ZBTB10: variants seen among roughly 807,000 people sequenced by gnomAD.
The protein encoded by ZBTB10 is zinc finger and BTB domain-containing protein 10.
Under a neutral mutation model 76.4 loss-of-function variants are expected in ZBTB10, and 32 were observed. The ratio of observed to expected loss-of-function variants is 0.42; its 90% CI spans 0.32 to 0.56. The LOEUF is 0.56. ZBTB10 is among the 20% of genes least tolerant of loss of function. The pLI, the probability that ZBTB10 is intolerant of heterozygous loss-of-function variation, is 0.14. For missense variants in ZBTB10, 1,057 were observed against 1,098.5 expected, an observed-to-expected ratio of 0.96 and a Z score of 0.53; for synonymous variants, 523 against 432.9, an observed-to-expected ratio of 1.21 and a Z score of -2.58.
rs1346894942 is a variant in ZBTB10, at chr8:80,519,182, A to G, written c.2311-41A>G. 1.9e-6 allele frequency: 3 copies of G among 1,573,840 alleles called. No homozygotes were observed. In the African/African-American group the frequency reaches 4.1e-5, roughly 21 times the overall value. On this transcript the variant is annotated intron_variant, in intron 5 of 5. Coordinates refer to ENST00000455036, the MANE Select transcript of ZBTB10 (RefSeq NM_001105539.3). ...GAGTGGTTCAAATGCATTCTATTATATATAATATCCTTATATTGGATTTTT... is the reference window on the plus strand; with the variant it reads ...GAGTGGTTCAAATGCATTCTATTATGTATAATATCCTTATATTGGATTTTT...
In ZBTB10 at chr8:80,521,650, G is replaced by A. The variant is rs1816450812; in HGVS notation, c.*2122G>A. 6.6e-6 allele frequency: 1 copy of A among 151,670 alleles called. No homozygotes were observed. The allele number at this position is 151,670 out of a possible 1,614,324, so 9.4% of individuals were successfully genotyped here. On this transcript the variant is annotated 3_prime_UTR_variant, in exon 6 of 6. Transcript: ENST00000455036. ...TTAATGTACTTTTACTTTTCCTCAA[G>A]ATATGAACTTACTCTCTTGAAGCTG...
chr8:80,498,120 T>C (rs551458355), intron 1 of ZBTB10, among the ~76,000 whole-genome samples: 37 of 152,230 alleles, frequency 2.4e-4, no homozygotes, highest in Non-Finnish European at 5.0e-4. Context: ...TTTTATGATT[T>C]AGCCATGCAC....
intron 2 of ZBTB10, among the ~76,000 whole-genome samples, chr8:80,505,882 C>T (rs974874874): frequency 6.6e-6 from 1 of 150,778 alleles, no homozygotes; most frequent in Non-Finnish European, 1.5e-5. Context: ...GTACTTGGAA[C>T]TACAGGTGGG....
rs1456905315 is a variant in ZBTB10 at position 80,524,387 on chromosome 8, T to C, written c.*4859T>C. ...TATTAAAAATTCCCTGTAATTTACATTTGTGCATAATCTTGGAAATGGGTT... is the reference window on the plus strand; with the variant it reads ...TATTAAAAATTCCCTGTAATTTACACTTGTGCATAATCTTGGAAATGGGTT... On this transcript the variant is annotated 3_prime_UTR_variant, in exon 6 of 6. Coordinates refer to ENST00000455036, the MANE Select transcript of ZBTB10 (RefSeq NM_001105539.3). 6.6e-6 allele frequency: 1 copy of C among 152,102 alleles called. No individual in the cohort carries two copies. The highest frequency in any genetic ancestry group is 1.9e-4 in the East Asian group (1 of 5,200). 9.4% of individuals were successfully genotyped at this position (152,102 alleles called of 1,614,324 possible). A position where few individuals can be genotyped will look rare whatever the true frequency, so the allele number is the denominator to read the frequency against.
At chr8:80,512,248 A>T (rs562296648) in intron 2 of ZBTB10, among the ~76,000 whole-genome samples, 92 of 152,304 alleles carry the variant, frequency 6.0e-4, no homozygotes, top group African/African-American at 2.1e-3. Context: ...TTCTGGCTTT[A>T]GCTCTCTCTA....
intron 2 of ZBTB10, among the ~76,000 whole-genome samples, chr8:80,500,909 G>T (rs186047453): frequency 6.6e-6 from 1 of 152,046 alleles, no homozygotes; most frequent in Non-Finnish European, 1.5e-5. Flanking sequence ...TTTTGAGTCG[G>T]AGTCTCACTC....
intron 1 of ZBTB10, 66 bp downstream of exon 1, chr8:80,487,848 A>C: frequency 6.8e-7 from 1 of 1,461,256 alleles, no homozygotes. Context: ...CACTCCCTTC[A>C]CCCCCACCCA....
chr8:80,495,900 T>TA (rs1357892282), intron 1 of ZBTB10, among the ~76,000 whole-genome samples: 1 of 152,194 alleles, frequency 6.6e-6, no homozygotes, highest in African/African-American at 2.4e-5. Flanking sequence ...TCTTTACAAA[T>TA]AAAAAAATTC....
At position 80,487,604 on chromosome 8, in the gene ZBTB10, A is replaced by G. The variant is rs754720655; in HGVS notation, c.794A>G (p.Lys265Arg). The G allele has an allele frequency of 1.2e-6, 2 of 1,613,772 alleles. No individual in the cohort carries two copies. Among genetic ancestry groups the G allele is most frequent in the Admixed American group, 3.3e-5 (2 of 59,980 alleles). The stretch of plus-strand genomic sequence containing the variant: ...GACTTTCCCTGGCTGCGCTATTCCA[A>G]GGATACTGGTCTTATGTCTTGCGGC... Reference protein sequence around the residue: ...LKDFPWLRYSKDTGLMSCGWC... With the variant: ...LKDFPWLRYSRDTGLMSCGWC... The change falls in exon 1 of 6, where the codon AAG (lysine) becomes AGG (arginine). Residue 265 changes from lysine to arginine, a missense_variant. By Grantham distance (26) the Lys-to-Arg change is conservative. Transcript: ENST00000455036.
rs1203299774 is a variant in ZBTB10, at chr8:80,520,151, G to C, written c.*623G>C. The C allele has an allele frequency of 6.6e-6, 1 of 152,390 alleles. No homozygotes were observed. Among genetic ancestry groups the C allele is most frequent in the African/African-American group, 2.4e-5 (1 of 41,380 alleles). The allele number at this position is 152,390 out of a possible 1,614,324, so 9.4% of individuals were successfully genotyped here. A position where few individuals can be genotyped will look rare whatever the true frequency, so the allele number is the denominator to read the frequency against. ...CTGATGGGCATGTTTATAAGAACTG[G>C]AGAGGTAATTTATTGGAATGAACTA... On this transcript the variant is annotated 3_prime_UTR_variant, in exon 6 of 6. Transcript: ENST00000455036.
chr8:80,521,285 T>C lies in ZBTB10; in HGVS notation c.*1757T>C, dbSNP rs1360218566. The C allele has an allele frequency of 1.3e-5, 2 of 151,826 alleles. No homozygotes were observed. The highest frequency in any genetic ancestry group is 1.9e-4 in the East Asian group (1 of 5,198). 9.4% of individuals were successfully genotyped at this position (151,826 alleles called of 1,614,324 possible). A position where few individuals can be genotyped will look rare whatever the true frequency, so the allele number is the denominator to read the frequency against. On this transcript the variant is annotated 3_prime_UTR_variant, in exon 6 of 6. Transcript: ENST00000455036. ...TAACTGTAAACCTGACAGATAAGAA[T>C]AGTTTCGGTTTGATTTTTGTTTAAA...
At chr8:80,514,471 AGAGT>A (rs1816279024) in intron 3 of ZBTB10, among the ~76,000 whole-genome samples, 1 of 152,364 alleles carries the variant, frequency 6.6e-6, no homozygotes, top group Admixed American at 6.5e-5. Context: ...TGAATAAAAT[AGAGT>A]AAAAGAAAGT....
chr8:80,486,114 C>G (rs563833136), upstream of ZBTB10: 13 of 478,236 alleles, frequency 2.7e-5, no homozygotes, highest in South Asian at 1.8e-4. Flanking sequence ...GCCCCCACCC[C>G]ACCCCAGCCC....
At chr8:80,514,494 A>G (rs559342018) in intron 3 of ZBTB10, among the ~76,000 whole-genome samples, 1 of 152,376 alleles carries the variant, frequency 6.6e-6, no homozygotes, top group African/African-American at 2.4e-5. Flanking sequence ...GTCATTCTTT[A>G]CAGAAGAATG....
intron 1 of ZBTB10, among the ~76,000 whole-genome samples, chr8:80,490,792 T>G (rs571036292): frequency 1.3e-5 from 2 of 152,362 alleles, no homozygotes; most frequent in African/African-American, 4.8e-5. Context: ...GTCCCGTTTC[T>G]GAGAGGAATT....
At chr8:80,503,498 ATTATTTATTTAT>A (rs112133197) in intron 2 of ZBTB10, among the ~76,000 whole-genome samples, 9 of 151,216 alleles carry the variant, frequency 6.0e-5, no homozygotes, top group African/African-American at 1.5e-4. Context: ...AGTGTAATTT[ATTATTTATTTAT>A]TTATTTATTT....
At chr8:80,504,895 G>A (rs1468348384) in intron 2 of ZBTB10, among the ~76,000 whole-genome samples, 10 of 152,158 alleles carry the variant, frequency 6.6e-5, no homozygotes, top group Admixed American at 5.9e-4. Flanking sequence ...GTTTTACAAC[G>A]TGTATTCACA....
At chr8:80,519,045 A>G in intron 5 of ZBTB10, 91 bp downstream of exon 5, 1 of 1,449,838 alleles carries the variant, frequency 6.9e-7, no homozygotes, top group Non-Finnish European at 9.2e-7. Flanking sequence ...TTGTGAATTT[A>G]AGGAAGATTG....
At chr8:80,504,567 GACTTC>G (rs1334145135) in intron 2 of ZBTB10, among the ~76,000 whole-genome samples, 4 of 152,110 alleles carry the variant, frequency 2.6e-5, no homozygotes, top group Admixed American at 6.6e-5. Context: ...TTTGTTGTTT[GACTTC>G]ACTTCAGATC....
Sources: gnomAD v4.1 joint callset for allele counts (sites outside exome capture counted in the v4.1 genomes callset) on GRCh38, gnomAD v4.1.1 for gene constraint, MANE v1.5 for transcripts, NCBI Gene and HGNC (gene_info 2026-07-23, HGNC 2026-07-21) for gene names.